The following MTHFD1 variants were observed in gnomAD, a reference collection of about 807,000 sequenced individuals.
MTHFD1 encodes the protein C-1-tetrahydrofolate synthase, cytoplasmic.
In MTHFD1, 44 loss-of-function variants were observed where a neutral mutation model predicts 110.3. The observed-to-expected ratio is 0.40, with a 90% confidence interval of 0.31 to 0.51. The LOEUF (loss-of-function observed/expected upper bound fraction) is 0.51, where lower values mean the gene tolerates loss of function less well. Among genes scored for constraint, MTHFD1 ranks in the 20% least tolerant of loss-of-function variants. MTHFD1 has a pLI of 0.60. For missense variants in MTHFD1, 909 were observed against 1,173.1 expected (o/e 0.77, Z 3.29); for synonymous variants, 402 against 428.8 (o/e 0.94, Z 0.77).
Position 64,417,938 on chromosome 14 carries a change from G to T in MTHFD1, c.529G>T (p.Val177Phe). 6.2e-7 allele frequency: 1 copy of T among 1,613,726 alleles called. No homozygotes were observed. The highest frequency in any genetic ancestry group is 1.3e-5 in the African/African-American group (1 of 74,992). ...TGTGGTGGTTGGGCGCAGTAAAATA[G>T]TTGGGGCCCCGATGCATGACTTGCT... ...HAVVVGRSKIVGAPMHDLLLW... is the reference protein window; with the variant it reads ...HAVVVGRSKIFGAPMHDLLLW... Residue 177 changes from valine to phenylalanine, a missense_variant, in exon 7 of 28, where the codon GTT (valine) becomes TTT (phenylalanine). Physicochemically the swap from Val to Phe is conservative, Grantham distance 50. This residue lies in a region of MTHFD1 where 424 missense variants were observed against 510.4 expected (regional missense o/e 0.83). Transcript: ENST00000652337. The surrounding 1 kb of genome is among the most constrained non-coding windows in gnomAD (Gnocchi z 4.4).
Position 64,415,362 on chromosome 14 carries a change from T to A in MTHFD1, c.245T>A (p.Met82Lys). 2 of 1,608,018 alleles carry A rather than the reference T, an allele frequency of 1.2e-6. No homozygotes were observed. The highest frequency in any genetic ancestry group is 1.7e-6 in the Non-Finnish European group (2 of 1,174,358). Residue 82 changes from methionine (M) to lysine (K), a missense_variant, in exon 5 of 28, where the codon ATG becomes AAG. Coordinates refer to ENST00000652337, the MANE Select transcript of MTHFD1 (RefSeq NM_005956.4). ...LPRTTTESEV[M>K]KYITSLNEDS... The stretch of plus-strand genomic sequence containing the variant: ...TATATATGGTATTACTTTTAGGTGA[T>A]GAAGTACATTACATCTTTGAATGAA...
chr14:64,407,643 C>T (rs765704481), intron 2 of MTHFD1, among the ~76,000 whole-genome samples: 45 of 151,182 alleles, frequency 3.0e-4, no homozygotes, highest in Non-Finnish European at 5.0e-4. Context: ...CCTCCCCTGT[C>T]CCCCAGGGGA....
chr14:64,409,878 C>A (rs868817755), intron 2 of MTHFD1, among the ~76,000 whole-genome samples: 1 of 152,060 alleles, frequency 6.6e-6, no homozygotes, highest in African/African-American at 2.4e-5. Flanking sequence ...CTCAGAAAAT[C>A]CTGTGTTACA....
At chr14:64,425,309 T>C (rs2078110407) in intron 9 of MTHFD1, among the ~76,000 whole-genome samples, 1 of 151,646 alleles carries the variant, frequency 6.6e-6, no homozygotes. Context: ...ATCTCCCTGA[T>C]TCAAGTGATT....
chr14:64,441,620 C>A (rs567625900), intron 19 of MTHFD1, 167 bp downstream of exon 19: 1 of 654,978 alleles, frequency 1.5e-6, no homozygotes, highest in Non-Finnish European at 2.8e-6. Context: ...TCCTGGCTAA[C>A]ATGGTGAAAC....
At chr14:64,420,668 C>A (rs1037981532) in intron 8 of MTHFD1, among the ~76,000 whole-genome samples, 2 of 152,118 alleles carry the variant, frequency 1.3e-5, no homozygotes, top group African/African-American at 4.8e-5. Context: ...CCACTCAGAT[C>A]TATCCCCGTG....
At chr14:64,414,230 A>T (rs1352464758) in intron 4 of MTHFD1, among the ~76,000 whole-genome samples, 1 of 146,926 alleles carries the variant, frequency 6.8e-6, no homozygotes, top group Non-Finnish European at 1.5e-5. Context: ...TGATCTGCCC[A>T]CTCAAGCCTC....
At chr14:64,448,727 G>A (rs1186253712) in intron 23 of MTHFD1, among the ~76,000 whole-genome samples, 2 of 152,034 alleles carry the variant, frequency 1.3e-5, no homozygotes, top group East Asian at 1.9e-4. Flanking sequence ...ACTTGTGTGG[G>A]TTGTTTAGGT....
At chr14:64,458,462 G>A in intron 27 of MTHFD1, 155 bp downstream of exon 27, 1 of 688,436 alleles carries the variant, frequency 1.5e-6, no homozygotes, top group South Asian at 1.6e-5. Flanking sequence ...AGTAATGAGA[G>A]TTGGCAATAA....
In MTHFD1 at chr14:64,417,998, T is replaced by C. The variant is rs1442151223; in HGVS notation, c.589T>C (p.Ser197Pro). The change falls in exon 7 of 28, where the codon TCC becomes CCC. Residue 197 changes from serine (S) to proline (P), a missense_variant. Physicochemically the swap from Ser to Pro is moderately conservative, Grantham distance 74. Transcript: ENST00000652337. This position sits in a 1 kb window ranked among gnomAD's most constrained non-coding sequence, Gnocchi z 4.4. The stretch of plus-strand genomic sequence containing the variant: ...CAATGCCACAGTGACCACCTGCCAC[T>C]CCAAGACTGCCCATCTGGATGAGGA... ...WNNATVTTCHSKTAHLDEEVN... is the reference protein window; with the variant it reads ...WNNATVTTCHPKTAHLDEEVN... 1.9e-6 allele frequency: 3 copies of C among 1,613,844 alleles called. No homozygotes were observed. The highest frequency in any genetic ancestry group is 2.5e-6 in the Non-Finnish European group (3 of 1,180,004).
chr14:64,426,231 T>A (rs774210586), intron 11 of MTHFD1, 39 bp downstream of exon 11: 20 of 1,612,260 alleles, frequency 1.2e-5, no homozygotes, highest in Non-Finnish European at 1.7e-5. Flanking sequence ...AATCTTAGTA[T>A]CAGTCCTGAT....
chr14:64,409,650 C>G (rs1311194593), intron 2 of MTHFD1, among the ~76,000 whole-genome samples: 1 of 151,966 alleles, frequency 6.6e-6, no homozygotes, highest in Non-Finnish European at 1.5e-5. Flanking sequence ...CACGAAAAGT[C>G]TAGGGAAGCC....
intron 2 of MTHFD1, among the ~76,000 whole-genome samples, chr14:64,410,470 C>G (rs1215525524): frequency 1.3e-5 from 2 of 152,108 alleles, no homozygotes; most frequent in East Asian, 3.9e-4. Context: ...AAACGATCCT[C>G]CTCCCTTGGC....
At chr14:64,433,622 C>T (rs1464451873) in intron 15 of MTHFD1, among the ~76,000 whole-genome samples, 4 of 149,102 alleles carry the variant, frequency 2.7e-5, no homozygotes, top group African/African-American at 9.9e-5. Flanking sequence ...GCCGTGTTGC[C>T]CAGGCTGATC....
At chr14:64,455,330 A>G (rs1221909731) in intron 26 of MTHFD1, among the ~76,000 whole-genome samples, 25 of 152,214 alleles carry the variant, frequency 1.6e-4, no homozygotes, top group Non-Finnish European at 8.8e-5. Context: ...ATTTTTAAGT[A>G]AGGAATTTCC....
In MTHFD1 at chr14:64,415,449, C is replaced by T; in HGVS notation, c.332C>T (p.Thr111Ile). 2 of 1,614,042 alleles carry T rather than the reference C, an allele frequency of 1.2e-6. No individual in the cohort carries two copies. Among genetic ancestry groups the T allele is most frequent in the Non-Finnish European group, 1.7e-6 (2 of 1,179,922 alleles). Residue 111 changes from threonine to isoleucine, a missense_variant, in exon 5 of 28, where the codon ACT (threonine) becomes ATT (isoleucine). By Grantham distance (89) the Thr-to-Ile change is moderately conservative (BLOSUM62 -1). Around this residue, in one of 3 missense-constraint regions of MTHFD1, gnomAD observed 424 missense variants for 510.4 expected, o/e 0.83. Coordinates refer to ENST00000652337, the MANE Select transcript of MTHFD1 (RefSeq NM_005956.4). ...LPLDSENSIN[T>I]EEVINAIAPE... is the part of the protein sequence containing the mutation. ...TTAGATTCAGAGAATTCCATTAACA[C>T]TGAAGAAGTGATCAATGCTATTGCA... is the stretch of plus-strand genomic sequence containing the variant.
intron 1 of MTHFD1, 29 bp from the exon 2 acceptor site, chr14:64,400,764 G>T: frequency 2.7e-6 from 4 of 1,458,270 alleles, no homozygotes; most frequent in Non-Finnish European, 3.8e-6. Flanking sequence ...AACATTCAGT[G>T]TTAACCCCAC....
chr14:64,430,147 T>A, intron 12 of MTHFD1, 37 bp from the exon 13 acceptor site: 6 of 1,598,438 alleles, frequency 3.8e-6, no homozygotes, highest in Non-Finnish European at 5.1e-6. Flanking sequence ...TGGAGAAGCA[T>A]GCTTAACTGA....
At position 64,453,820 on chromosome 14, in the gene MTHFD1, C is replaced by T. The variant is rs763747317; in HGVS notation, c.2524C>T (p.Leu842Phe). Reference sequence around the variant, plus strand: ...CTATGGAGCAGATGACATTGAATTACTTCCCGAAGCTCAACACAAAGCTGA... The same window carrying T: ...CTATGGAGCAGATGACATTGAATTATTTCCCGAAGCTCAACACAAAGCTGA... ...KIYGADDIEL[L>F]PEAQHKAEVY... is the part of the protein sequence containing the mutation. Residue 842 changes from leucine to phenylalanine, a missense_variant, in exon 25 of 28, where the codon CTT (leucine) becomes TTT (phenylalanine). Around this residue, in one of 3 missense-constraint regions of MTHFD1, gnomAD observed 482 missense variants for 646.0 expected, o/e 0.75. Transcript: ENST00000652337. The T allele has an allele frequency of 1.9e-6, 3 of 1,612,546 alleles. No homozygotes were observed. The highest frequency in any genetic ancestry group is 2.5e-6 in the Non-Finnish European group (3 of 1,178,784).
Sources: allele counts gnomAD v4.1 joint callset (sites outside exome capture counted in the v4.1 genomes callset), GRCh38; gene constraint gnomAD v4.1.1; regional missense constraint gnomAD v4.1.1; non-coding constraint Gnocchi (gnomAD v3.1); transcripts MANE v1.5; gene names NCBI Gene and HGNC (gene_info 2026-07-23, HGNC 2026-07-21).